CSAG1: variants seen among roughly 807,000 people sequenced by gnomAD.
The protein encoded by CSAG1 is chondrosarcoma-associated gene 1 protein.
CSAG1 carries 4 observed loss-of-function variants against 4.8 expected under a neutral mutation model. The ratio of observed to expected loss-of-function variants is 0.83; its 90% CI spans 0.41 to 1.90. CSAG1 has a LOEUF of 1.90. CSAG1 is among the 40% of genes most tolerant of loss of function. CSAG1 has a pLI of 0.03. For missense variants in CSAG1, 69 were observed against 59.5 expected, an observed-to-expected ratio of 1.16 and a Z score of -0.53; for synonymous variants, 21 against 23.1, an observed-to-expected ratio of 0.91 and a Z score of 0.26.
Position 152,728,198 on chromosome X carries a change from C to T in CSAG1, c.43G>A (p.Gly15Arg). ...TCCACCTGGTCTCCCCGAGCTTCCC[C>T]CAGGACAGTGAAGGCAGGCCAGCAG... is the stretch of plus-strand genomic sequence containing the variant. The part of the protein sequence containing the change: ...TACWPAFTVL[G>R]EARGDQVDWS... Residue 15 changes from glycine (G) to arginine (R), a missense_variant, in exon 3 of 4, where the codon GGG becomes AGG. Coordinates refer to ENST00000452779, the MANE Select transcript of CSAG1 (RefSeq NM_001102576.3). The T allele has an allele frequency of 8.3e-7, 1 of 1,211,333 alleles. No homozygotes were observed. The highest frequency in any genetic ancestry group is 1.1e-6 in the Non-Finnish European group (1 of 895,047).
chrX:152,728,333 A>C (rs1282247214), intron 2 of CSAG1, 109 bp from the exon 3 acceptor site: 1 of 776,160 alleles, frequency 1.3e-6, no homozygotes, highest in African/African-American at 2.1e-5. Context: ...TATCCACATT[A>C]TGGAAGTTAA....
Position 152,728,212 on chromosome X carries a change from G to A in CSAG1, c.29C>T (p.Ala10Val). Residue 10 changes from alanine to valine, a missense_variant, in exon 3 of 4, where the codon GCC becomes GTC. Transcript: ENST00000452779. ...CCGAGCTTCCCCCAGGACAGTGAAGGCAGGCCAGCAGGCTAGAAACTCACA... is the reference window on the plus strand; with the variant it reads ...CCGAGCTTCCCCCAGGACAGTGAAGACAGGCCAGCAGGCTAGAAACTCACA... MSATTACWP[A>V]FTVLGEARGD... The A allele has an allele frequency of 8.3e-7, 1 of 1,208,287 alleles. No homozygotes were observed. The highest frequency in any genetic ancestry group is 1.1e-6 in the Non-Finnish European group (1 of 892,474).
In CSAG1 at chrX:152,727,657, C is replaced by A; in HGVS notation, c.*137G>T. On this transcript the variant is annotated 3_prime_UTR_variant, in exon 4 of 4. Coordinates refer to ENST00000452779, the MANE Select transcript of CSAG1 (RefSeq NM_001102576.3). ...GAATTACTGGCTGCCCAAGGAAGCA[C>A]TGGAGAAGGCGGTGGTCTCCTTGCC... The A allele has an allele frequency of 2.6e-6, 2 of 781,441 alleles. No individual in the cohort carries two copies. The highest frequency in any genetic ancestry group is 6.3e-5 in the East Asian group (2 of 31,598). 64.4% of individuals were successfully genotyped at this position (781,441 alleles called of 1,213,427 possible).
At chrX:152,728,359 G>A (rs782758463) in intron 2 of CSAG1, 135 bp from the exon 3 acceptor site, 9 of 619,792 alleles carry the variant, frequency 1.5e-5, no homozygotes, top group East Asian at 3.3e-5. Flanking sequence ...TTTACTTAAA[G>A]TCAACTGATT....
intron 1 of CSAG1, chrX:152,733,265 C>T (rs1333896988): frequency 1.8e-5 from 2 of 111,890 alleles, no homozygotes; most frequent in Non-Finnish European, 3.8e-5. Flanking sequence ...GTTACAGAAA[C>T]AGAGTATCTC....
intron 2 of CSAG1, among the ~76,000 whole-genome samples, chrX:152,731,200 G>A (rs1556228373): frequency 1.8e-5 from 2 of 111,671 alleles, no homozygotes; most frequent in African/African-American, 6.5e-5. Context: ...TCGGTATCAA[G>A]TATCCTGGGT....
chrX:152,733,050 C>T (rs1467370515), intron 1 of CSAG1: 3 of 112,385 alleles, frequency 2.7e-5, no homozygotes, highest in Non-Finnish European at 3.7e-5. Flanking sequence ...ATATGTAAAC[C>T]GTATTTCTTC....
At chrX:152,733,026 T>A (rs1932195798) in intron 1 of CSAG1, 1 of 113,554 alleles carries the variant, frequency 8.8e-6, no homozygotes, top group Admixed American at 9.1e-5. Flanking sequence ...GCTACCTACA[T>A]ATATACTTGG....
At chrX:152,732,309 A>G in intron 2 of CSAG1, 136 bp downstream of exon 2, 1 of 816,549 alleles carries the variant, frequency 1.2e-6, no homozygotes, top group Non-Finnish European at 1.6e-6. Context: ...TATAGAGGCA[A>G]CTATCGAAGT....
In CSAG1 at chrX:152,728,630, G is replaced by A. The variant is rs1556831044; in HGVS notation, c.17-406C>T. 7.1e-5 allele frequency among the ~76,000 whole-genome samples: 8 copies of A among 112,462 alleles called. No individual in the cohort carries two copies. The East Asian group carries it at 1.9e-3, about 27-fold the overall frequency. On this transcript the variant is annotated intron_variant, in intron 2 of 3. Coordinates refer to ENST00000452779, the MANE Select transcript of CSAG1 (RefSeq NM_001102576.3). ...TCAGCTCAGGCTAGAATAACAAAATGTCATTGACTGAGTAGCTGGAACAAC... is the reference window on the plus strand; with the variant it reads ...TCAGCTCAGGCTAGAATAACAAAATATCATTGACTGAGTAGCTGGAACAAC...
intron 2 of CSAG1, among the ~76,000 whole-genome samples, chrX:152,728,496 C>T (rs1556830967): frequency 5.0e-4 from 56 of 111,769 alleles, no homozygotes; most frequent in African/African-American, 5.2e-4. Context: ...TATCTTGCAC[C>T]GTACAAAAAT....
rs1386181232 is a variant in CSAG1 at position 152,727,494 on chromosome X, A to G, written c.*300T>C. On this transcript the variant is annotated 3_prime_UTR_variant, in exon 4 of 4. Transcript: ENST00000452779. Reference sequence around the variant, plus strand: ...ACACAGACACACACATCATTTTACAACATGTTCATTTTATTTCCATCACCA... The same window carrying G: ...ACACAGACACACACATCATTTTACAGCATGTTCATTTTATTTCCATCACCA... The G allele has an allele frequency of 8.2e-6, 3 of 364,236 alleles. No individual in the cohort carries two copies. In the Admixed American group the frequency reaches 1.4e-4, roughly 17 times the overall value. The allele number at this position is 364,236 out of a possible 1,213,427, so 30.0% of individuals were successfully genotyped here. A position where few individuals can be genotyped will look rare whatever the true frequency, so the allele number is the denominator to read the frequency against.
intron 2 of CSAG1, among the ~76,000 whole-genome samples, chrX:152,729,433 AG>A (rs1932104240): frequency 9.8e-5 from 11 of 112,462 alleles, no homozygotes; most frequent in Non-Finnish European, 1.9e-5. Context: ...TGAAAACAGA[AG>A]CCACAGACTA....
In CSAG1 at chrX:152,727,767, C is replaced by G; in HGVS notation, c.*27G>C. 1 of 1,206,206 alleles carries G rather than the reference C, an allele frequency of 8.3e-7. No individual in the cohort carries two copies. The highest frequency in any genetic ancestry group is 1.1e-6 in the Non-Finnish European group (1 of 890,447). On this transcript the variant is annotated 3_prime_UTR_variant, in exon 4 of 4. Transcript: ENST00000452779. The stretch of plus-strand genomic sequence containing the variant: ...TGGATAGTGTTGGCCCACTCCATTC[C>G]TCAGGTTTTTTTGAAGCGGTGGTCT...
intron 2 of CSAG1, among the ~76,000 whole-genome samples, chrX:152,731,568 T>G (rs1461811322): frequency 9.0e-6 from 1 of 111,582 alleles, no homozygotes; most frequent in Non-Finnish European, 1.9e-5. Context: ...CTAGCCCTCC[T>G]GGATTCAAAA....
intron 2 of CSAG1, 100 bp downstream of exon 2, chrX:152,732,345 G>A: frequency 9.6e-7 from 1 of 1,038,730 alleles, no homozygotes; most frequent in Non-Finnish European, 1.3e-6. Flanking sequence ...GGAAAAAATA[G>A]CTTGACATAC....
At position 152,727,831 on chromosome X, in the gene CSAG1, G is replaced by A. The variant is rs1556830577; in HGVS notation, c.200C>T (p.Pro67Leu). Residue 67 changes from proline (P) to leucine (L), a missense_variant, in exon 4 of 4, where the codon CCC becomes CTC. Physicochemically the swap from Pro to Leu is moderately conservative, Grantham distance 98 (BLOSUM62 -3). Transcript: ENST00000452779. ...TTTTGTTCCTGGAACTTCCTTGACG[G>A]GTCCCTTTTCCCTTCTGGGTTGTCT... is the stretch of plus-strand genomic sequence containing the variant. The part of the protein sequence containing the change: ...FPRQPRREKG[P>L]VKEVPGTKGS... The A allele has an allele frequency of 9.1e-5, 110 of 1,209,150 alleles. No homozygotes were observed. The highest frequency in any genetic ancestry group is 4.6e-4 in the Middle Eastern group (2 of 4,368).
At chrX:152,732,562 A>C (rs1469690300) in intron 1 of CSAG1, 58 bp from the exon 2 acceptor site, 1 of 1,165,277 alleles carries the variant, frequency 8.6e-7, no homozygotes. Flanking sequence ...AAGAAAATCT[A>C]CACAACAAAA....
At chrX:152,729,071 G>C (rs1415271487) in intron 2 of CSAG1, among the ~76,000 whole-genome samples, 10 of 110,392 alleles carry the variant, frequency 9.1e-5, no homozygotes, top group African/African-American at 2.3e-4. Flanking sequence ...CTCAGAAATA[G>C]ACCTGCACAC....
Sources: gnomAD v4.1 joint callset for allele counts (sites outside exome capture counted in the v4.1 genomes callset) on GRCh38, gnomAD v4.1.1 for gene constraint, MANE v1.5 for transcripts, NCBI Gene and HGNC (gene_info 2026-07-23, HGNC 2026-07-21) for gene names.